Variants in TBX15 observed in about 807,000 individuals in gnomAD.
TBX15 encodes the protein T-box transcription factor TBX15.
TBX15 carries 18 observed loss-of-function variants against 53.9 expected under a neutral mutation model. The observed-to-expected ratio is 0.33, with a 90% confidence interval of 0.23 to 0.49. The LOEUF (loss-of-function observed/expected upper bound fraction) is 0.49. Ranked by LOEUF, TBX15 falls within the 20% of genes least tolerant of loss-of-function variation. The pLI, the probability that TBX15 is intolerant of heterozygous loss-of-function variation, is 0.98. For synonymous variants in TBX15, 295 were observed against 278.0 expected, an observed-to-expected ratio of 1.06 and a Z score of -0.61; for missense variants, 692 against 749.5, an observed-to-expected ratio of 0.92 and a Z score of 0.90.
chr1:118,986,488 A>G (rs1194057634), intron 1 of TBX15, among the ~76,000 whole-genome samples: 1 of 152,112 alleles, frequency 6.6e-6, no homozygotes, highest in Non-Finnish European at 1.5e-5. Context: ...CCTCGGGAGC[A>G]TGGAAATTGA....
At chr1:118,957,110 T>C (rs1656718958) in intron 1 of TBX15, among the ~76,000 whole-genome samples, 1 of 152,224 alleles carries the variant, frequency 6.6e-6, no homozygotes. Flanking sequence ...TAGAAAATTA[T>C]ACTTGGCTAC....
chr1:118,890,864 TA>T, intron 7 of TBX15: 1 of 1,302,068 alleles, frequency 7.7e-7, no homozygotes, highest in African/African-American at 1.5e-5. Context: ...TCCATGTAAT[TA>T]CTTCGTTCCA....
intron 6 of TBX15, among the ~76,000 whole-genome samples, chr1:118,903,968 TA>T (rs1436373381): frequency 1.3e-5 from 2 of 152,140 alleles, no homozygotes; most frequent in African/African-American, 4.8e-5. Context: ...AGCTTACTAT[TA>T]AAGAGTAATC....
At chr1:118,936,766 T>A (rs1297250606) in intron 1 of TBX15, among the ~76,000 whole-genome samples, 2 of 152,170 alleles carry the variant, frequency 1.3e-5, no homozygotes, top group Non-Finnish European at 2.9e-5. Context: ...GTTGTTATTA[T>A]TATTATCTCC....
chr1:118,986,656 G>A (rs887287726), intron 1 of TBX15, among the ~76,000 whole-genome samples: 4 of 152,172 alleles, frequency 2.6e-5, no homozygotes, highest in East Asian at 3.9e-4. Context: ...GTGAAGCGGG[G>A]TCTACTCCCC....
At chr1:118,903,138 T>C (rs977811860) in intron 6 of TBX15, among the ~76,000 whole-genome samples, 2 of 152,156 alleles carry the variant, frequency 1.3e-5, no homozygotes, top group Admixed American at 1.3e-4. Context: ...CCACCTTTGT[T>C]CAGTGCTTTG....
At chr1:118,926,284 T>G (rs896506938) in intron 3 of TBX15, among the ~76,000 whole-genome samples, 6 of 152,206 alleles carry the variant, frequency 3.9e-5, no homozygotes, top group Non-Finnish European at 8.8e-5. Flanking sequence ...TTTTGCTACC[T>G]TAGGAGACAC....
chr1:118,891,395 G>A (rs1654135866), intron 7 of TBX15, among the ~76,000 whole-genome samples: 1 of 152,040 alleles, frequency 6.6e-6, no homozygotes, highest in African/African-American at 2.4e-5. Context: ...TCCCCTACTT[G>A]TTTTACTGCC....
chr1:118,915,920 G>A (rs1215557736), intron 5 of TBX15, among the ~76,000 whole-genome samples: 2 of 152,184 alleles, frequency 1.3e-5, no homozygotes, highest in Non-Finnish European at 1.5e-5. Context: ...TTGGATCCCA[G>A]GCCAATGGGT....
At chr1:118,974,319 T>C (rs1324952626) in intron 1 of TBX15, among the ~76,000 whole-genome samples, 2 of 152,196 alleles carry the variant, frequency 1.3e-5, no homozygotes, top group African/African-American at 4.8e-5. Flanking sequence ...AAAACAGAGA[T>C]GGATTTTACA....
chr1:118,986,924 A>G (rs114015565), intron 1 of TBX15, among the ~76,000 whole-genome samples: 1,907 of 152,212 alleles, frequency 0.013, 29 homozygotes, highest in African/African-American at 0.04. Context: ...TGCTTTTTAC[A>G]TGTTCCGTGC....
At chr1:118,909,536 A>G (rs1245091455) in intron 6 of TBX15, among the ~76,000 whole-genome samples, 4 of 152,168 alleles carry the variant, frequency 2.6e-5, no homozygotes, top group Non-Finnish European at 5.9e-5. Context: ...GGACTTCTCC[A>G]TGGATATCTC....
chr1:118,939,341 G>A (rs187606966), intron 1 of TBX15, among the ~76,000 whole-genome samples: 45 of 143,064 alleles, frequency 3.1e-4, no homozygotes, highest in African/African-American at 1.0e-3. Flanking sequence ...TGGGAAGGTC[G>A]AGGCTGCAGT....
At chr1:118,980,194 T>C (rs114701393) in intron 1 of TBX15, among the ~76,000 whole-genome samples, 2,176 of 152,112 alleles carry the variant, frequency 0.014, 43 homozygotes, top group African/African-American at 0.051. Context: ...GGGAAGTGAG[T>C]GGCAAGTAAG....
At chr1:118,888,542 ACACATTTTC>A (rs1368630278) in intron 7 of TBX15, among the ~76,000 whole-genome samples, 4 of 152,204 alleles carry the variant, frequency 2.6e-5, no homozygotes, top group Admixed American at 6.5e-5. Context: ...GAGGCATCCT[ACACATTTTC>A]CTTATTTTCC....
At chr1:118,940,727 C>CA (rs71070774) in intron 1 of TBX15, among the ~76,000 whole-genome samples, 10,713 of 44,714 alleles carry the variant, frequency 0.24, 660 homozygotes, top group East Asian at 0.49. Flanking sequence ...ATCAGAAAAA[C>CA]AAAAAAAAAT....
intron 1 of TBX15, among the ~76,000 whole-genome samples, chr1:118,950,854 G>A (rs1656491930): frequency 6.6e-6 from 1 of 152,160 alleles, no homozygotes; most frequent in African/African-American, 2.4e-5. Flanking sequence ...CTCATCGAAG[G>A]ATCAGCTGGG....
At chr1:118,942,930 C>G (rs1240647565) in intron 1 of TBX15, among the ~76,000 whole-genome samples, 1 of 152,194 alleles carries the variant, frequency 6.6e-6, no homozygotes, top group African/African-American at 2.4e-5. Flanking sequence ...ACCAGGTCCC[C>G]TACACATCTG....
At chr1:118,925,514 G>T (rs1462298357) in intron 3 of TBX15, among the ~76,000 whole-genome samples, 2 of 152,156 alleles carry the variant, frequency 1.3e-5, no homozygotes, top group Non-Finnish European at 2.9e-5. Flanking sequence ...AAAAGACATT[G>T]TTTGGTAGCA....
Sources: gnomAD v4.1 joint callset for allele counts (sites outside exome capture counted in the v4.1 genomes callset) on GRCh38, gnomAD v4.1.1 for gene constraint, MANE v1.5 for transcripts, NCBI Gene and HGNC (gene_info 2026-07-23, HGNC 2026-07-21) for gene names.